THAP12: variants seen among roughly 807,000 people sequenced by gnomAD.
THAP12 encodes THAP domain containing 12, also known as 52 kDa repressor of the inhibitor of the protein kinase.
In THAP12, 20 loss-of-function variants were observed where a neutral mutation model predicts 63.0. That is an observed-to-expected ratio of 0.32 (90% CI 0.22 to 0.46). THAP12 has a LOEUF of 0.46. Ranked by LOEUF, THAP12 falls within the 20% of genes least tolerant of loss-of-function variation. The pLI, the probability that THAP12 is intolerant of heterozygous loss-of-function variation, is 1.00. For missense variants in THAP12, 568 were observed against 908.2 expected (o/e 0.63, Z 4.81); for synonymous variants, 264 against 328.4 (o/e 0.80, Z 2.12).
chr11:76,374,838 G>A (rs569488084), intron 1 of THAP12, among the ~76,000 whole-genome samples: 3 of 152,324 alleles, frequency 2.0e-5, no homozygotes, highest in African/African-American at 7.2e-5. Flanking sequence ...CCCCAGTGCA[G>A]TGGTGTTGGG....
At chr11:76,364,518 T>C (rs919978732) in intron 2 of THAP12, 1 of 302,058 alleles carries the variant, frequency 3.3e-6, no homozygotes, top group Non-Finnish European at 6.7e-6. Flanking sequence ...ATATCTGAGG[T>C]GTTACATTAG....
In THAP12 at chr11:76,352,256, A is replaced by C. The variant is rs759674418; in HGVS notation, c.894T>G (p.Pro298=). ...CCAAAATTTCTGCATCGGCTTCATA[A>C]GGCAGGAAGCCTATAAATTCCTCTC... The part of the protein sequence containing the change: ...NLREEFIGFL[P]YEADAEILAV... The change falls in exon 5 of 5, where the codon CCT becomes CCG. Residue 298 remains proline (P), a synonymous_variant. Transcript: ENST00000260045. 1 of 1,611,924 alleles carries C rather than the reference A, an allele frequency of 6.2e-7. No homozygotes were observed. The highest frequency in any genetic ancestry group is 1.1e-5 in the South Asian group (1 of 90,948).
At chr11:76,366,085 A>G in intron 1 of THAP12, 113 bp from the exon 2 acceptor site, 1 of 1,223,378 alleles carries the variant, frequency 8.2e-7, no homozygotes, top group Non-Finnish European at 1.1e-6. Flanking sequence ...CCCCTCCCTG[A>G]GAACATAATT....
At chr11:76,363,570 T>C (rs1417951679) in intron 2 of THAP12, among the ~76,000 whole-genome samples, 3 of 131,400 alleles carry the variant, frequency 2.3e-5, no homozygotes, top group Non-Finnish European at 4.8e-5. Context: ...TAGATACAGA[T>C]ATCAGAAAAT....
At chr11:76,361,829 A>T (rs1046762585) in intron 2 of THAP12, among the ~76,000 whole-genome samples, 1 of 152,228 alleles carries the variant, frequency 6.6e-6, no homozygotes, top group African/African-American at 2.4e-5. Flanking sequence ...AAGTTTTTAA[A>T]CATGTTTTTA....
At chr11:76,363,714 G>A (rs1399589376) in intron 2 of THAP12, among the ~76,000 whole-genome samples, 1 of 152,162 alleles carries the variant, frequency 6.6e-6, no homozygotes, top group Non-Finnish European at 1.5e-5. Context: ...TCAGCCTCCT[G>A]AGCAGCTGGG....
chr11:76,371,677 C>G (rs1310606612), intron 1 of THAP12, among the ~76,000 whole-genome samples: 1 of 151,464 alleles, frequency 6.6e-6, no homozygotes, highest in African/African-American at 2.4e-5. Flanking sequence ...GTACTGTCTC[C>G]TTAATCAATG....
chr11:76,370,046 G>T (rs1247693756), intron 1 of THAP12, among the ~76,000 whole-genome samples: 1 of 152,196 alleles, frequency 6.6e-6, no homozygotes, highest in Admixed American at 6.5e-5. Flanking sequence ...GATACATTTG[G>T]GGAGGGTAAC....
At chr11:76,363,351 A>G (rs1159168160) in intron 2 of THAP12, among the ~76,000 whole-genome samples, 2 of 152,116 alleles carry the variant, frequency 1.3e-5, no homozygotes, top group African/African-American at 4.8e-5. Context: ...AGTAGTCATG[A>G]ATGTTTACTG....
intron 2 of THAP12, chr11:76,364,257 C>CATT (rs2134507117): frequency 5.4e-6 from 1 of 184,362 alleles, no homozygotes; most frequent in East Asian, 1.7e-4. Context: ...TTTGGTTGAT[C>CATT]ATTATTACCC....
rs530212762 is a variant in THAP12 at position 76,367,366 on chromosome 11, G to A, written c.90-1394C>T. ...GCTGGGATTACAGGCGTGAGCCACCGCGCCCGGCCCATTCCTCAAATTTCT... is the reference window on the plus strand; with the variant it reads ...GCTGGGATTACAGGCGTGAGCCACCACGCCCGGCCCATTCCTCAAATTTCT... On this transcript the variant is annotated intron_variant, in intron 1 of 4. Coordinates refer to ENST00000260045, the MANE Select transcript of THAP12 (RefSeq NM_004705.4). Among the ~76,000 whole-genome samples the A allele has an allele frequency of 7.9e-5, 12 of 152,068 alleles. No individual in the cohort carries two copies. The South Asian group carries it at 1.9e-3, about 24-fold the overall frequency.
In THAP12 at chr11:76,360,947, T is replaced by C. The variant is rs368564358; in HGVS notation, c.318+9A>G. On this transcript the variant is annotated intron_variant, in intron 3 of 4. Coordinates refer to ENST00000260045, the MANE Select transcript of THAP12 (RefSeq NM_004705.4). ...GGAAGGTGGGAAAGCTGAAAGTACA[T>C]AGACATACCAGTTCTTTTATTCGTT... 4.5e-5 allele frequency: 70 copies of C among 1,555,876 alleles called. No individual in the cohort carries two copies. The highest frequency in any genetic ancestry group is 1.7e-4 in the Admixed American group (10 of 59,704).
intron 1 of THAP12, among the ~76,000 whole-genome samples, chr11:76,367,663 TCTGCCCACCTTGGC>T: frequency 6.6e-6 from 1 of 151,692 alleles, no homozygotes; most frequent in South Asian, 2.1e-4. Flanking sequence ...TCGCAGGTGA[TCTGCCCACCTTGGC>T]CTCCCAAAGT....
intron 1 of THAP12, among the ~76,000 whole-genome samples, chr11:76,369,730 G>A (rs773540952): frequency 6.6e-6 from 1 of 152,216 alleles, no homozygotes; most frequent in Non-Finnish European, 1.5e-5. Context: ...TAAAAACCTC[G>A]GACACTACGT....
rs890133362 is a variant in THAP12 at position 76,361,920 on chromosome 11, T to A, written c.211-857A>T. Among the ~76,000 whole-genome samples the A allele has an allele frequency of 3.0e-4, 45 of 152,236 alleles. 1 individual carries two copies. Among genetic ancestry groups the A allele is most frequent in the Non-Finnish European group, 2.9e-5 (2 of 68,038 alleles). On this transcript the variant is annotated intron_variant, in intron 2 of 4. Coordinates refer to ENST00000260045, the MANE Select transcript of THAP12 (RefSeq NM_004705.4). ...ACTCTCACGCCACAAGTGATACTGA[T>A]ATACATAATCACATTTTTGCAAATG... is the stretch of plus-strand genomic sequence containing the variant.
chr11:76,357,698 T>C (rs1946570723), intron 3 of THAP12: 1 of 152,116 alleles, frequency 6.6e-6, no homozygotes, highest in South Asian at 2.1e-4. Context: ...ACATTTAAAA[T>C]TTAAAATATC....
intron 1 of THAP12, among the ~76,000 whole-genome samples, chr11:76,374,931 G>C (rs1946698797): frequency 6.6e-6 from 1 of 152,160 alleles, no homozygotes; most frequent in Non-Finnish European, 1.5e-5. Context: ...ACAACAAGAA[G>C]GCACCATCTA....
In THAP12 at chr11:76,379,774, T is replaced by C. The variant is rs143586030; in HGVS notation, c.89+974A>G. Among the ~76,000 whole-genome samples, 275 of 152,294 alleles carry C rather than the reference T, an allele frequency of 1.8e-3. 2 individuals carry two copies. Among genetic ancestry groups the C allele is most frequent in the Middle Eastern group, 6.8e-3 (2 of 294 alleles). On this transcript the variant is annotated intron_variant, in intron 1 of 4. Coordinates refer to ENST00000260045, the MANE Select transcript of THAP12 (RefSeq NM_004705.4). ...TGTTTATTCCCCCCCCATTAGAATGTAATCTTCATGAAAGCAAGGACTTCG... is the reference window on the plus strand; with the variant it reads ...TGTTTATTCCCCCCCCATTAGAATGCAATCTTCATGAAAGCAAGGACTTCG...
At chr11:76,360,119 G>C (rs1946588696) in intron 3 of THAP12, among the ~76,000 whole-genome samples, 1 of 152,138 alleles carries the variant, frequency 6.6e-6, no homozygotes, top group Non-Finnish European at 1.5e-5. Context: ...AGTTATTATA[G>C]ATCCCTACTG....
Sources: allele counts gnomAD v4.1 joint callset (sites outside exome capture counted in the v4.1 genomes callset), GRCh38; gene constraint gnomAD v4.1.1; transcripts MANE v1.5; gene names NCBI Gene and HGNC (gene_info 2026-07-23, HGNC 2026-07-21).